The following PNPLA7 variants were observed in gnomAD, a reference collection of about 807,000 sequenced individuals.
The protein encoded by PNPLA7 is patatin like domain 7, lysophospholipase.
In PNPLA7, 153 loss-of-function variants were observed where a neutral mutation model predicts 161.7. The observed-to-expected ratio is 0.95, with a 90% confidence interval of 0.83 to 1.08. The LOEUF is 1.08. Ranked by LOEUF, PNPLA7 falls within the 50% of genes least tolerant of loss-of-function variation. PNPLA7 has a pLI of 0.00. For missense variants in PNPLA7, 1,739 were observed against 1,856.6 expected (o/e 0.94, Z 1.16); for synonymous variants, 809 against 782.1 (o/e 1.03, Z -0.57).
In PNPLA7 at chr9:137,461,602, C is replaced by T. The variant is rs777183023; in HGVS notation, c.3775G>A (p.Ala1259Thr). The T allele has an allele frequency of 3.7e-6, 6 of 1,612,422 alleles. No homozygotes were observed. Among genetic ancestry groups the T allele is most frequent in the Admixed American group, 3.3e-5 (2 of 59,912 alleles). Reference sequence around the variant, plus strand: ...ATTTCGGCAAGGTCCGTGAAGGAGGCGTTGGGACAGGTGAGGACCTAGGGG... The same window carrying T: ...ATTTCGGCAAGGTCCGTGAAGGAGGTGTTGGGACAGGTGAGGACCTAGGGG... ...PASAVLTCPN[A>T]SFTDLAEIVS... The change falls in exon 33 of 35, where the codon GCC becomes ACC. Residue 1259 changes from alanine to threonine, a missense_variant. Physicochemically the swap from Ala to Thr is moderately conservative, Grantham distance 58 (BLOSUM62 0). This residue lies in a region of PNPLA7 where 703 missense variants were observed against 694.6 expected (regional missense o/e 1.01). Coordinates refer to ENST00000406427, the MANE Select transcript of PNPLA7 (RefSeq NM_001098537.3).
In PNPLA7 at chr9:137,523,411, T is replaced by C. The variant is rs532408650; in HGVS notation, c.748-554A>G. On this transcript the variant is annotated intron_variant, in intron 8 of 34. Transcript: ENST00000406427. The surrounding 1 kb of genome is among the most constrained non-coding windows in gnomAD (Gnocchi z 4.4). ...GCCACAGTGGCTCACCGCGTGGATG[T>C]GGCCAGCAGAGCTCCACACGGCCAA... 6.6e-6 allele frequency among the ~76,000 whole-genome samples: 1 copy of C among 152,250 alleles called. No homozygotes were observed. The highest frequency in any genetic ancestry group is 2.4e-5 in the African/African-American group (1 of 41,548).
chr9:137,520,195 A>G lies in PNPLA7; in HGVS notation c.958-152T>C, dbSNP rs1834915242. Reference sequence around the variant, plus strand: ...GGTGTGACAGGTGTGGGACTCTCAAAGGTGTGACAGGTGTGGGCCTCTCAA... The same window carrying G: ...GGTGTGACAGGTGTGGGACTCTCAAGGGTGTGACAGGTGTGGGCCTCTCAA... On this transcript the variant is annotated intron_variant, in intron 10 of 34. Transcript: ENST00000406427. The surrounding 1 kb of genome is among the most constrained non-coding windows in gnomAD (Gnocchi z 5.2). 9.1e-7 allele frequency: 1 copy of G among 1,100,546 alleles called. No homozygotes were observed. Among genetic ancestry groups the G allele is most frequent in the African/African-American group, 1.6e-5 (1 of 63,500 alleles). 68.2% of individuals were successfully genotyped at this position (1,100,546 alleles called of 1,614,324 possible).
chr9:137,545,889 G>A (rs924205041), intron 4 of PNPLA7, among the ~76,000 whole-genome samples: 8 of 152,268 alleles, frequency 5.3e-5, no homozygotes, highest in Admixed American at 1.3e-4. Context: ...TAGCGTCAGT[G>A]TCAAGGAAAA....
In PNPLA7 at chr9:137,550,313, G is replaced by A. The variant is rs1588735082; in HGVS notation, c.-116C>T. 9.0e-7 allele frequency: 1 copy of A among 1,116,892 alleles called. No individual in the cohort carries two copies. The highest frequency in any genetic ancestry group is 2.4e-5 in the East Asian group (1 of 42,146). 69.2% of individuals were successfully genotyped at this position (1,116,892 alleles called of 1,614,324 possible). On this transcript the variant is annotated 5_prime_UTR_variant, in exon 1 of 35. Coordinates refer to ENST00000406427, the MANE Select transcript of PNPLA7 (RefSeq NM_001098537.3). ...ACACTTTTCCCTGGGTTCCTTTCAA[G>A]TCAAATTATGTTTCACTGAAAGGAA...
At chr9:137,478,450 C>T in intron 24 of PNPLA7, 2 of 300,776 alleles carry the variant, frequency 6.6e-6, no homozygotes, top group Non-Finnish European at 1.2e-5. Flanking sequence ...AAGGCATCCT[C>T]AGAGCTGTTC....
At position 137,468,697 on chromosome 9, in the gene PNPLA7, G is replaced by A. The variant is rs992765644; in HGVS notation, c.2883-1224C>T. Among the ~76,000 whole-genome samples, 8 of 152,080 alleles carry A rather than the reference G, an allele frequency of 5.3e-5. No homozygotes were observed. The East Asian group carries it at 9.7e-4, about 18-fold the overall frequency. ...ACGTCAAAGGCTACACTGAGCTGAC[G>A]TCACACCACTGCACTCCAGCCTGGA... On this transcript the variant is annotated intron_variant, in intron 25 of 34. Transcript: ENST00000406427. The surrounding 1 kb of genome is among the most constrained non-coding windows in gnomAD (Gnocchi z 4.0).
At chr9:137,525,926 ACTTGT>A (rs987593915) in intron 8 of PNPLA7, among the ~76,000 whole-genome samples, 3 of 148,930 alleles carry the variant, frequency 2.0e-5, no homozygotes, top group Admixed American at 2.0e-4. Flanking sequence ...GAAGGCTCAC[ACTTGT>A]CTTTGGTCGC....
chr9:137,461,921 C>A lies in PNPLA7; in HGVS notation c.3756+10G>T. The A allele has an allele frequency of 6.4e-7, 1 of 1,553,372 alleles. No homozygotes were observed. The highest frequency in any genetic ancestry group is 1.9e-5 in the Admixed American group (1 of 52,846). ...GGGGAGCTGGGCGTGGTCCGGACGC[C>A]CGTACTCACCGCACTCGCGGGCTTC... On this transcript the variant is annotated intron_variant, in intron 32 of 34. Transcript: ENST00000406427.
At chr9:137,498,457 G>T (rs1295564504) in intron 16 of PNPLA7, among the ~76,000 whole-genome samples, 1 of 152,266 alleles carries the variant, frequency 6.6e-6, no homozygotes, top group Non-Finnish European at 1.5e-5. Flanking sequence ...GCCAGCAGCT[G>T]TTGGGGAGCC....
chr9:137,522,160 C>T (rs964670069), intron 9 of PNPLA7, among the ~76,000 whole-genome samples: 8 of 152,308 alleles, frequency 5.3e-5, no homozygotes, highest in East Asian at 1.9e-4. Flanking sequence ...CTGCAAGCTC[C>T]GCCTCCCGGG....
intron 11 of PNPLA7, among the ~76,000 whole-genome samples, chr9:137,517,945 CCCA>C (rs2132449793): frequency 2.9e-5 from 3 of 104,744 alleles, no homozygotes; most frequent in Non-Finnish European, 3.9e-5. Context: ...CCACTCCATC[CCCA>C]CTCACTCACT....
At chr9:137,475,364 G>C (rs1188898191) in intron 25 of PNPLA7, among the ~76,000 whole-genome samples, 1 of 152,164 alleles carries the variant, frequency 6.6e-6, no homozygotes, top group African/African-American at 2.4e-5. Context: ...AACAAAGCGA[G>C]ACCTTGTTTT....
intron 14 of PNPLA7, among the ~76,000 whole-genome samples, chr9:137,502,184 C>A (rs1431951464): frequency 6.6e-6 from 1 of 152,122 alleles, no homozygotes; most frequent in African/African-American, 2.4e-5. Flanking sequence ...CACACTGGAA[C>A]CCAGAAGGCA....
At chr9:137,509,493 T>C (rs1164007617) in intron 12 of PNPLA7, 1 of 258,980 alleles carries the variant, frequency 3.9e-6, no homozygotes, top group Non-Finnish European at 8.1e-6. Flanking sequence ...CGAGTGAGTT[T>C]AGCCGGCGTG....
chr9:137,502,005 G>A (rs755646740), intron 14 of PNPLA7, among the ~76,000 whole-genome samples: 24 of 152,358 alleles, frequency 1.6e-4, no homozygotes, highest in Non-Finnish European at 2.8e-4. Context: ...GTGAATTTAC[G>A]TAAAAGAGAG....
At chr9:137,477,984 C>T in intron 25 of PNPLA7, 50 bp downstream of exon 25, 2 of 1,267,810 alleles carry the variant, frequency 1.6e-6, no homozygotes, top group South Asian at 2.8e-5. Flanking sequence ...GAGGGGGCGA[C>T]TGTCACCACA....
At chr9:137,479,394 G>A (rs1832096891) in intron 23 of PNPLA7, 156 bp from the exon 24 acceptor site, 14 of 1,318,448 alleles carry the variant, frequency 1.1e-5, no homozygotes, top group East Asian at 2.9e-5. Flanking sequence ...CTGCCTTGGC[G>A]CTGCCGAAGC....
At chr9:137,513,814 G>A (rs1026999837) in intron 12 of PNPLA7, among the ~76,000 whole-genome samples, 3 of 152,220 alleles carry the variant, frequency 2.0e-5, no homozygotes. Context: ...AGCACATAAA[G>A]AATCAACACA....
rs372599118 is a variant in PNPLA7 at position 137,501,641 on chromosome 9, C to G, written c.1551+9G>C. ...TGGTCCCAGTGCCCCCCCCCAGACC[C>G]CCGCTCACCTGGTCTCCCTGCCTTG... On this transcript the variant is annotated intron_variant, in intron 15 of 34. Transcript: ENST00000406427. The G allele has an allele frequency of 1.6e-4, 263 of 1,611,384 alleles. 1 individual carries two copies. The highest frequency in any genetic ancestry group is 2.1e-4 in the Non-Finnish European group (253 of 1,179,450).
Sources: gnomAD v4.1 joint callset for allele counts (sites outside exome capture counted in the v4.1 genomes callset) on GRCh38, gnomAD v4.1.1 for gene constraint, gnomAD v4.1.1 regional missense constraint, Gnocchi (gnomAD v3.1) non-coding constraint, MANE v1.5 for transcripts, NCBI Gene and HGNC (gene_info 2026-07-23, HGNC 2026-07-21) for gene names.